ADAM29: variants seen among roughly 807,000 people sequenced by gnomAD.
ADAM29 encodes the protein disintegrin and metalloproteinase domain-containing protein 29.
For synonymous variants in ADAM29, 367 were observed against 342.3 expected (o/e 1.07, Z -0.80); for missense variants, 969 against 1,001.8 (o/e 0.97, Z 0.44).
At position 174,933,362 on chromosome 4, in the gene ADAM29, T is replaced by C. The variant is rs532223536; in HGVS notation, c.-262+2188T>C. ...TTTGAAGTGACAAAGAATACTGAAA[T>C]AATTGAGTTTAACTTGAATTGTTTA... On this transcript the variant is annotated intron_variant, in intron 3 of 4. Coordinates refer to ENST00000359240, the MANE Select transcript of ADAM29 (RefSeq NM_014269.4). 3.3e-4 allele frequency among the ~76,000 whole-genome samples: 50 copies of C among 152,236 alleles called. No individual in the cohort carries two copies. In the South Asian group the frequency reaches 9.1e-3, roughly 28 times the overall value.
chr4:174,975,604 T>C lies in ADAM29; in HGVS notation c.79T>C (p.Tyr27His). The C allele has an allele frequency of 6.2e-7, 1 of 1,604,984 alleles. No individual in the cohort carries two copies. Among genetic ancestry groups the C allele is most frequent in the South Asian group, 1.1e-5 (1 of 89,352 alleles). Residue 27 changes from tyrosine to histidine, a missense_variant, in exon 5 of 5, where the codon TAT (tyrosine) becomes CAT (histidine). Transcript: ENST00000359240. ...ACACATCCAGGATGAGCACCCCCAA[T>C]ATCACAGCCCTCCGGATGTGGTGAT... is the stretch of plus-strand genomic sequence containing the variant. ...SGHIQDEHPQ[Y>H]HSPPDVVIPV...
chr4:174,945,743 T>C (rs1449643292), intron 4 of ADAM29, among the ~76,000 whole-genome samples: 1 of 152,162 alleles, frequency 6.6e-6, no homozygotes, highest in Non-Finnish European at 1.5e-5. Flanking sequence ...ATTTATTGAA[T>C]AGGGAGTCAT....
At chr4:174,967,969 T>C (rs181084016) in intron 4 of ADAM29, among the ~76,000 whole-genome samples, 1 of 152,304 alleles carries the variant, frequency 6.6e-6, no homozygotes, top group East Asian at 1.9e-4. Context: ...AATTTTGCTA[T>C]CAAATACCTA....
At chr4:174,945,639 G>A (rs777704947) in intron 4 of ADAM29, among the ~76,000 whole-genome samples, 2 of 152,112 alleles carry the variant, frequency 1.3e-5, no homozygotes, top group Non-Finnish European at 2.9e-5. Context: ...TTACATTTAA[G>A]TAATTAGTTT....
intron 4 of ADAM29, among the ~76,000 whole-genome samples, chr4:174,938,344 T>C (rs1440207458): frequency 2.6e-5 from 4 of 152,080 alleles, no homozygotes; most frequent in Non-Finnish European, 5.9e-5. Context: ...ATGTGAAAAT[T>C]CTGTTCCTAA....
intron 4 of ADAM29, among the ~76,000 whole-genome samples, chr4:174,946,519 C>T (rs1466697219): frequency 6.6e-6 from 1 of 152,108 alleles, no homozygotes; most frequent in Non-Finnish European, 1.5e-5. Flanking sequence ...CTAGCTAGGA[C>T]TTCCAGTACC....
intron 4 of ADAM29, among the ~76,000 whole-genome samples, chr4:174,943,643 C>A (rs1472909900): frequency 6.6e-6 from 1 of 152,136 alleles, no homozygotes; most frequent in East Asian, 1.9e-4. Flanking sequence ...GGTCCCTCCC[C>A]TGACACATGG....
intron 4 of ADAM29, among the ~76,000 whole-genome samples, chr4:174,963,391 T>G (rs1745967349): frequency 6.6e-6 from 1 of 152,132 alleles, no homozygotes; most frequent in African/African-American, 2.4e-5. Flanking sequence ...CACTTGATAA[T>G]TTTTCTTGAA....
intron 3 of ADAM29, 152 bp downstream of exon 3, chr4:174,931,326 A>G (rs1052411880): frequency 2.6e-5 from 4 of 152,232 alleles, no homozygotes; most frequent in African/African-American, 9.6e-5. Flanking sequence ...GGATAAATAC[A>G]TGTTTGGTTT....
At chr4:174,968,388 G>A (rs962996841) in intron 4 of ADAM29, among the ~76,000 whole-genome samples, 1 of 152,170 alleles carries the variant, frequency 6.6e-6, no homozygotes, top group African/African-American at 2.4e-5. Context: ...TTAAATGTCT[G>A]CAGTCACACT....
rs568538050 is a variant in ADAM29, at chr4:174,928,638, A to C, written c.-450-2348A>C. ...TTGCAGAGGGAGGCAAGACTATTGC[A>C]ATAGGGGAGAGAGACTAAATTTAAC... On this transcript the variant is annotated intron_variant, in intron 2 of 4. Coordinates refer to ENST00000359240, the MANE Select transcript of ADAM29 (RefSeq NM_014269.4). 2.0e-4 allele frequency among the ~76,000 whole-genome samples: 31 copies of C among 152,066 alleles called. No homozygotes were observed. The South Asian group carries it at 6.0e-3, about 30-fold the overall frequency.
intron 4 of ADAM29, among the ~76,000 whole-genome samples, chr4:174,947,670 A>G (rs1744931457): frequency 6.6e-6 from 1 of 152,166 alleles, no homozygotes; most frequent in South Asian, 2.1e-4. Flanking sequence ...TTGTATGGTC[A>G]ATATTAGAGT....
chr4:174,935,514 T>G (rs906686681), intron 3 of ADAM29, among the ~76,000 whole-genome samples: 2 of 152,070 alleles, frequency 1.3e-5, no homozygotes, highest in African/African-American at 4.8e-5. Context: ...AGTAAGATTT[T>G]TTTGCTTGTT....
At chr4:174,939,340 CTT>C (rs1744392064) in intron 4 of ADAM29, among the ~76,000 whole-genome samples, 1 of 152,270 alleles carries the variant, frequency 6.6e-6, no homozygotes, top group Admixed American at 6.5e-5. Context: ...TAAGAAGAGA[CTT>C]TAATTACCTC....
intron 4 of ADAM29, among the ~76,000 whole-genome samples, chr4:174,961,656 A>G (rs1241512352): frequency 6.6e-6 from 1 of 152,180 alleles, no homozygotes; most frequent in Non-Finnish European, 1.5e-5. Flanking sequence ...ACCTAAGAAA[A>G]AAAGATCTAA....
rs750356427 is a variant in ADAM29, at chr4:174,977,099, A to G, written c.1574A>G (p.Asn525Ser). ...TASETCYKEL[N>S]TLGDRVGHCG... ...AGTGAGACTTGCTACAAAGAATTGA[A>G]CACCTTAGGTGACCGTGTTGGTCAC... is the stretch of plus-strand genomic sequence containing the variant. Residue 525 changes from asparagine (N) to serine (S), a missense_variant, in exon 5 of 5, where the codon AAC becomes AGC. Transcript: ENST00000359240. The G allele has an allele frequency of 1.2e-6, 2 of 1,613,894 alleles. No homozygotes were observed. Among genetic ancestry groups the G allele is most frequent in the African/African-American group, 2.7e-5 (2 of 74,916 alleles).
Position 174,977,342 on chromosome 4 carries a change from T to C in ADAM29, c.1817T>C (p.Ile606Thr), listed in dbSNP as rs762786715. The stretch of plus-strand genomic sequence containing the variant: ...GTGAAAGATGGAACAGAGTGTGGGA[T>C]AGATCATATATGCATCCACAGGCAC... ...GEVKDGTECG[I>T]DHICIHRHCV... The change falls in exon 5 of 5, where the codon ATA (isoleucine) becomes ACA (threonine). Residue 606 changes from isoleucine to threonine, a missense_variant. Physicochemically the swap from Ile to Thr is moderately conservative, Grantham distance 89 (BLOSUM62 -1). Coordinates refer to ENST00000359240, the MANE Select transcript of ADAM29 (RefSeq NM_014269.4). 6.2e-7 allele frequency: 1 copy of C among 1,613,660 alleles called. No homozygotes were observed. The highest frequency in any genetic ancestry group is 2.2e-5 in the East Asian group (1 of 44,866).
At chr4:174,968,480 T>C (rs1746278103) in intron 4 of ADAM29, among the ~76,000 whole-genome samples, 1 of 152,176 alleles carries the variant, frequency 6.6e-6, no homozygotes, top group South Asian at 2.1e-4. Flanking sequence ...ACAGTGTCTC[T>C]CTCCACTTTT....
intron 4 of ADAM29, among the ~76,000 whole-genome samples, chr4:174,960,792 T>C (rs1745768866): frequency 6.6e-6 from 1 of 152,152 alleles, no homozygotes; most frequent in African/African-American, 2.4e-5. Flanking sequence ...CTAGGTCTCA[T>C]CAAACCAGGC....
Sources: gnomAD v4.1 joint callset for allele counts (sites outside exome capture counted in the v4.1 genomes callset) on GRCh38, gnomAD v4.1.1 for gene constraint, MANE v1.5 for transcripts, NCBI Gene and HGNC (gene_info 2026-07-23, HGNC 2026-07-21) for gene names.